KLHL2: variants seen among roughly 807,000 people sequenced by gnomAD.
KLHL2 encodes kelch-like protein 2.
Under a neutral mutation model 75.8 loss-of-function variants are expected in KLHL2, and 15 were observed. The observed-to-expected ratio is 0.20, with a 90% confidence interval of 0.13 to 0.30. The LOEUF is 0.30. KLHL2 is among the 10% of genes least tolerant of loss of function. KLHL2 has a pLI of 1.00. For missense variants in KLHL2, 381 were observed against 741.0 expected, an observed-to-expected ratio of 0.51 and a Z score of 5.64; for synonymous variants, 214 against 251.9, an observed-to-expected ratio of 0.85 and a Z score of 1.42.
At chr4:165,312,809 A>G (rs1479379690) in intron 11 of KLHL2, among the ~76,000 whole-genome samples, 4 of 152,288 alleles carry the variant, frequency 2.6e-5, no homozygotes, top group South Asian at 2.1e-4. Context: ...TGAGGCATTT[A>G]TTAGTACTTC....
intron 1 of KLHL2, chr4:165,210,039 A>G (rs1737097951): frequency 5.8e-6 from 9 of 1,548,500 alleles, no homozygotes; most frequent in Non-Finnish European, 5.2e-6. Context: ...CTGGGCTAGA[A>G]CAGAGGCCAG....
chr4:165,211,267 C>A (rs1230018778), intron 1 of KLHL2, among the ~76,000 whole-genome samples: 1 of 152,152 alleles, frequency 6.6e-6, no homozygotes, highest in Admixed American at 6.5e-5. Flanking sequence ...TCAACTATCA[C>A]CATCTTTTTA....
At chr4:165,223,934 C>G (rs959346676) in intron 2 of KLHL2, 2 of 450,738 alleles carry the variant, frequency 4.4e-6, no homozygotes, top group Admixed American at 2.4e-5. Context: ...TTCTTTTTTT[C>G]GAGACAATCT....
At chr4:165,280,789 TAGCTTACATG>T (rs1743607031) in intron 5 of KLHL2, among the ~76,000 whole-genome samples, 1 of 152,244 alleles carries the variant, frequency 6.6e-6, no homozygotes, top group African/African-American at 2.4e-5. Context: ...GAATTTTTTC[TAGCTTACATG>T]AGTTAACTGT....
At chr4:165,255,711 C>T (rs1363078281) in intron 4 of KLHL2, among the ~76,000 whole-genome samples, 1 of 152,110 alleles carries the variant, frequency 6.6e-6, no homozygotes, top group Non-Finnish European at 1.5e-5. Context: ...TGTCACTAAG[C>T]GTTTCATCTT....
intron 7 of KLHL2, 104 bp downstream of exon 7, chr4:165,297,829 C>G: frequency 1.3e-6 from 1 of 794,008 alleles, no homozygotes; most frequent in South Asian, 1.4e-5. Flanking sequence ...GAATGCAGAT[C>G]TGTGGAGTAC....
At chr4:165,222,627 T>G (rs1738091330) in intron 2 of KLHL2, among the ~76,000 whole-genome samples, 1 of 152,222 alleles carries the variant, frequency 6.6e-6, no homozygotes, top group South Asian at 2.1e-4. Context: ...TCATCAGACC[T>G]TTTTAAAAAT....
chr4:165,211,357 A>T (rs1737191155), intron 1 of KLHL2, among the ~76,000 whole-genome samples: 1 of 152,358 alleles, frequency 6.6e-6, no homozygotes, highest in South Asian at 2.1e-4. Flanking sequence ...CTTTAAATTT[A>T]AAAAACTTAG....
In KLHL2 at chr4:165,319,301, A is replaced by G. The variant is rs1746802235; in HGVS notation, c.1753+1332A>G. 6.6e-6 allele frequency among the ~76,000 whole-genome samples: 1 copy of G among 152,184 alleles called. No homozygotes were observed. The highest frequency in any genetic ancestry group is 1.5e-5 in the Non-Finnish European group (1 of 68,030). The stretch of plus-strand genomic sequence containing the variant: ...CTTATTTTTCATCATGTTTACTGCA[A>G]TATCATAAACCTTGAATAATACCAT... On this transcript the variant is annotated intron_variant, in intron 14 of 14. Coordinates refer to ENST00000226725, the MANE Select transcript of KLHL2 (RefSeq NM_007246.4). The surrounding 1 kb of genome is among the most constrained non-coding windows in gnomAD (Gnocchi z 4.5).
At chr4:165,316,910 AAAGT>A (rs1236983473) in intron 13 of KLHL2, among the ~76,000 whole-genome samples, 2 of 152,206 alleles carry the variant, frequency 1.3e-5, no homozygotes, top group African/African-American at 4.8e-5. Flanking sequence ...GTTAAAAAAG[AAAGT>A]GTCTGAGTAT....
intron 4 of KLHL2, among the ~76,000 whole-genome samples, chr4:165,262,261 T>A (rs1170212645): frequency 1.3e-5 from 2 of 152,224 alleles, no homozygotes; most frequent in Admixed American, 1.3e-4. Context: ...ATTAAAAAGT[T>A]ATTAGATAAT....
chr4:165,240,030 A>T (rs1270201881), intron 4 of KLHL2, among the ~76,000 whole-genome samples: 1 of 152,218 alleles, frequency 6.6e-6, no homozygotes, highest in Non-Finnish European at 1.5e-5. Flanking sequence ...AAAACAGTGC[A>T]ATGAGTGAAC....
chr4:165,207,966 C>A lies in KLHL2; in HGVS notation c.26+64C>A. The stretch of plus-strand genomic sequence containing the variant: ...AGCGCGCCGCTGCGGCGCGTGTCGC[C>A]GGCCGCGGGCGCAGCTCTGGGGACA... On this transcript the variant is annotated intron_variant, in intron 1 of 14. Transcript: ENST00000226725. The surrounding 1 kb of genome is among the most constrained non-coding windows in gnomAD (Gnocchi z 4.2). 2 of 1,221,370 alleles carry A rather than the reference C, an allele frequency of 1.6e-6. No individual in the cohort carries two copies. Among genetic ancestry groups the A allele is most frequent in the African/African-American group, 1.6e-5 (1 of 62,084 alleles). 75.7% of individuals were successfully genotyped at this position (1,221,370 alleles called of 1,614,324 possible). A position where few individuals can be genotyped will look rare whatever the true frequency, so the allele number is the denominator to read the frequency against.
At chr4:165,258,201 C>T (rs2111207385) in intron 4 of KLHL2, among the ~76,000 whole-genome samples, 1 of 152,228 alleles carries the variant, frequency 6.6e-6, no homozygotes, top group South Asian at 2.1e-4. Flanking sequence ...AATTTAATCA[C>T]TCTTAGATTC....
chr4:165,271,866 T>G (rs903398645), intron 5 of KLHL2, among the ~76,000 whole-genome samples: 6 of 152,198 alleles, frequency 3.9e-5, no homozygotes, highest in Non-Finnish European at 7.3e-5. Flanking sequence ...AGATTTCAAA[T>G]GCAGGAGCCT....
chr4:165,284,878 T>A (rs574951915), intron 5 of KLHL2, among the ~76,000 whole-genome samples: 5 of 152,308 alleles, frequency 3.3e-5, no homozygotes, highest in Admixed American at 1.3e-4. Flanking sequence ...GCAAGTCACA[T>A]CCTACATGGA....
At chr4:165,314,862 T>C (rs1160177686) in intron 13 of KLHL2, among the ~76,000 whole-genome samples, 2 of 152,176 alleles carry the variant, frequency 1.3e-5, no homozygotes, top group Non-Finnish European at 2.9e-5. Flanking sequence ...TATCTTCATG[T>C]CATTTCTCAT....
chr4:165,262,124 T>TA lies in KLHL2; in HGVS notation c.382-1072dup, dbSNP rs1313189391. On this transcript the variant is annotated intron_variant, in intron 4 of 14. Transcript: ENST00000226725. Reference sequence around the variant, plus strand: ...CTTACAAGGAAAAATGTTTTTCTATTATTGACTTATTTGAAAAGCACTTGT... The same window carrying TA: ...CTTACAAGGAAAAATGTTTTTCTATTAATTGACTTATTTGAAAAGCACTTGT... Among the ~76,000 whole-genome samples, 3 of 152,350 alleles carry TA rather than the reference T, an allele frequency of 2.0e-5. No individual in the cohort carries two copies. In the East Asian group the frequency reaches 5.8e-4, roughly 29 times the overall value.
At chr4:165,272,665 G>A (rs1742791585) in intron 5 of KLHL2, among the ~76,000 whole-genome samples, 2 of 151,862 alleles carry the variant, frequency 1.3e-5, no homozygotes, top group South Asian at 4.1e-4. Flanking sequence ...TAGTTCATAT[G>A]ATGTACTAGA....
Sources: gnomAD v4.1 joint callset for allele counts (sites outside exome capture counted in the v4.1 genomes callset) on GRCh38, gnomAD v4.1.1 for gene constraint, Gnocchi (gnomAD v3.1) non-coding constraint, MANE v1.5 for transcripts, NCBI Gene and HGNC (gene_info 2026-07-23, HGNC 2026-07-21) for gene names.